Variants in RBFOX1 observed in about 807,000 individuals in gnomAD.
The protein encoded by RBFOX1 is RNA binding fox-1 homolog 1.
A neutral mutation model predicts 57.7 loss-of-function variants in RBFOX1; 8 were observed. That is an observed-to-expected ratio of 0.14 (90% CI 0.08 to 0.25). The LOEUF is 0.25. Among genes scored for constraint, RBFOX1 ranks in the 10% least tolerant of loss-of-function variants. The pLI is 1.00. For missense variants in RBFOX1, 611 were observed against 548.5 expected, an observed-to-expected ratio of 1.11 and a Z score of -1.14; for synonymous variants, 326 against 222.4, an observed-to-expected ratio of 1.47 and a Z score of -4.15.
At chr16:6,142,010 G>T (rs1394595702) in intron 1 of RBFOX1, among the ~76,000 whole-genome samples, 2 of 150,930 alleles carry the variant, frequency 1.3e-5, no homozygotes, top group African/African-American at 4.9e-5. Flanking sequence ...AGTGAGCTGA[G>T]ATCATGCCAC....
At chr16:7,695,852 C>G (rs894148678) in intron 14 of RBFOX1, among the ~76,000 whole-genome samples, 16 of 152,000 alleles carry the variant, frequency 1.1e-4, no homozygotes, top group African/African-American at 3.6e-4. Flanking sequence ...TGCTTAAAAT[C>G]TCAGTGTGGG....
chr16:7,430,720 T>C (rs1000396193), intron 4 of RBFOX1, among the ~76,000 whole-genome samples: 5 of 151,348 alleles, frequency 3.3e-5, no homozygotes, highest in African/African-American at 1.2e-4. Context: ...CAGCATGGCA[T>C]GGAATAGTAC....
chr16:5,950,856 C>T (rs971105101), intron 4 of RBFOX1, among the ~76,000 whole-genome samples: 1 of 151,908 alleles, frequency 6.6e-6, no homozygotes, highest in Non-Finnish European at 1.5e-5. Flanking sequence ...GTCCAAGTGC[C>T]AGGAGAGAGG....
chr16:7,640,950 G>A (rs1447668035), intron 11 of RBFOX1, among the ~76,000 whole-genome samples: 1 of 151,262 alleles, frequency 6.6e-6, no homozygotes, highest in African/African-American at 2.4e-5. Flanking sequence ...CTCTGAGCAG[G>A]TAAGTTGCAG....
At chr16:6,300,045 T>C (rs1490943180) in intron 1 of RBFOX1, among the ~76,000 whole-genome samples, 2 of 152,178 alleles carry the variant, frequency 1.3e-5, no homozygotes, top group African/African-American at 4.8e-5. Context: ...TGTGACAACA[T>C]GGTTGAACCT....
intron 4 of RBFOX1, among the ~76,000 whole-genome samples, chr16:5,983,972 CTCTTCTTCTTCCTCCCACATTCTTCT>C: frequency 7.5e-6 from 1 of 134,066 alleles, no homozygotes. Context: ...TTCCTTCTTC[CTCTTCTTCTTCCTCCCACATTCTTCT>C]TCTTCTCCTT....
intron 4 of RBFOX1, among the ~76,000 whole-genome samples, chr16:5,966,989 A>G (rs1434842101): frequency 1.3e-4 from 3 of 22,860 alleles, no homozygotes; most frequent in Non-Finnish European, 1.9e-4. Flanking sequence ...CTTGCACTAA[A>G]TCGGGGGGGG....
chr16:7,293,930 A>G (rs562474349), intron 4 of RBFOX1, among the ~76,000 whole-genome samples: 50 of 152,190 alleles, frequency 3.3e-4, no homozygotes, highest in Non-Finnish European at 6.9e-4. Context: ...GGATTAATTC[A>G]GAGCTGGAGA....
At chr16:5,534,064 A>G (rs773442052) in intron 2 of RBFOX1, among the ~76,000 whole-genome samples, 1 of 152,094 alleles carries the variant, frequency 6.6e-6, no homozygotes, top group Non-Finnish European at 1.5e-5. Flanking sequence ...GACTGGCCAC[A>G]TCTACTGCTG....
chr16:7,400,297 G>C (rs1001451240), intron 4 of RBFOX1, among the ~76,000 whole-genome samples: 2 of 152,128 alleles, frequency 1.3e-5, no homozygotes, highest in Admixed American at 6.6e-5. Context: ...GCAAGGATAG[G>C]CATTAAAAAT....
intron 2 of RBFOX1, among the ~76,000 whole-genome samples, chr16:6,537,496 T>C (rs769611846): frequency 6.6e-6 from 1 of 152,200 alleles, no homozygotes. Flanking sequence ...TGAGGGGCTA[T>C]AAGCTTACAG....
At chr16:6,811,963 C>G (rs946608677) in intron 3 of RBFOX1, among the ~76,000 whole-genome samples, 3 of 152,116 alleles carry the variant, frequency 2.0e-5, no homozygotes, top group African/African-American at 7.2e-5. Context: ...ACTGGAATTT[C>G]TTACAGATGT....
chr16:7,582,546 A>C (rs1294417733), intron 6 of RBFOX1, among the ~76,000 whole-genome samples: 2 of 152,204 alleles, frequency 1.3e-5, no homozygotes, highest in African/African-American at 4.8e-5. Context: ...GGATACATTT[A>C]GTGGCAGGAA....
At chr16:6,662,350 G>C (rs1489402924) in intron 3 of RBFOX1, among the ~76,000 whole-genome samples, 1 of 152,132 alleles carries the variant, frequency 6.6e-6, no homozygotes, top group African/African-American at 2.4e-5. Context: ...ATCATTTCAT[G>C]ATATACACAT....
chr16:7,672,000 T>A (rs1029257376), intron 13 of RBFOX1, among the ~76,000 whole-genome samples: 2 of 152,194 alleles, frequency 1.3e-5, no homozygotes, highest in African/African-American at 4.8e-5. Flanking sequence ...TTGAACCAAT[T>A]GTCTGGATAA....
At chr16:5,692,000 C>T (rs916422128) in intron 3 of RBFOX1, among the ~76,000 whole-genome samples, 1 of 127,062 alleles carries the variant, frequency 7.9e-6, no homozygotes, top group African/African-American at 2.8e-5. Context: ...TAAGAATGTG[C>T]ACATTTGGTA....
chr16:6,382,744 C>T (rs1201857663), intron 2 of RBFOX1, among the ~76,000 whole-genome samples: 1 of 152,156 alleles, frequency 6.6e-6, no homozygotes, highest in Non-Finnish European at 1.5e-5. Context: ...CCTGTAATCC[C>T]AGCTACTTGG....
chr16:7,061,428 T>G (rs2054233009), intron 4 of RBFOX1, among the ~76,000 whole-genome samples: 1 of 152,184 alleles, frequency 6.6e-6, no homozygotes, highest in Non-Finnish European at 1.5e-5. Flanking sequence ...TTTCTCCAAC[T>G]TCATTGTGAA....
intron 2 of RBFOX1, among the ~76,000 whole-genome samples, chr16:6,381,752 A>G (rs1437729924): frequency 6.6e-6 from 1 of 152,186 alleles, no homozygotes; most frequent in Non-Finnish European, 1.5e-5. Flanking sequence ...GGGCTACCGC[A>G]TCTGCTGCTG....
Sources: gnomAD v4.1 joint callset for allele counts (sites outside exome capture counted in the v4.1 genomes callset) on GRCh38, gnomAD v4.1.1 for gene constraint, MANE v1.5 for transcripts, NCBI Gene and HGNC (gene_info 2026-07-23, HGNC 2026-07-21) for gene names.